Variants in CD226 observed in about 807,000 individuals in gnomAD.
CD226 encodes the protein CD226 antigen.
In CD226, 24 loss-of-function variants were observed where a neutral mutation model predicts 34.9. The ratio of observed to expected loss-of-function variants is 0.69; its 90% CI spans 0.50 to 0.97. The LOEUF is 0.97. CD226 is among the 50% of genes least tolerant of loss of function. The pLI, the probability that CD226 is intolerant of heterozygous loss-of-function variation, is 0.00. For synonymous variants in CD226, 148 were observed against 147.4 expected, an observed-to-expected ratio of 1.00 and a Z score of -0.03; for missense variants, 397 against 412.7, an observed-to-expected ratio of 0.96 and a Z score of 0.33.
rs1982795937 is a variant in CD226 at position 69,861,169 on chromosome 18, T to A, written c.*3145A>T. 1 of 152,086 alleles carries A rather than the reference T, an allele frequency of 6.6e-6. No homozygotes were observed. The highest frequency in any genetic ancestry group is 1.5e-5 in the Non-Finnish European group (1 of 67,934). The allele number at this position is 152,086 out of a possible 1,614,324, so 9.4% of individuals were successfully genotyped here. On this transcript the variant is annotated 3_prime_UTR_variant, in exon 6 of 6. Transcript: ENST00000582621. ...TTTTAAGTTTATATATATAGTATTT[T>A]AGTAATACACTGAATTACTTAAAAC...
chr18:69,873,341 G>T, intron 3 of CD226, 95 bp from the exon 4 acceptor site: 1 of 652,506 alleles, frequency 1.5e-6, no homozygotes, highest in South Asian at 1.9e-5. Context: ...ATTAATTATT[G>T]AGTAACAAAA....
chr18:69,883,769 T>C lies in CD226; in HGVS notation c.728-10523A>G, dbSNP rs75883650. ...GAGAATGTATATGTTCTTATAACAATAGAAATATCATCTTAAAATGAGCCA... is the reference window on the plus strand; with the variant it reads ...GAGAATGTATATGTTCTTATAACAACAGAAATATCATCTTAAAATGAGCCA... On this transcript the variant is annotated intron_variant, in intron 3 of 5. Coordinates refer to ENST00000582621, the MANE Select transcript of CD226 (RefSeq NM_001303618.2). 3.2e-3 allele frequency among the ~76,000 whole-genome samples: 482 copies of C among 152,338 alleles called. 3 individuals are homozygous for C. The highest frequency in any genetic ancestry group is 3.6e-3 in the Non-Finnish European group (248 of 68,026).
intron 1 of CD226, among the ~76,000 whole-genome samples, chr18:69,954,145 AC>A (rs1289625052): frequency 6.6e-6 from 1 of 152,124 alleles, no homozygotes; most frequent in Non-Finnish European, 1.5e-5. Context: ...GAATGAGGCC[AC>A]CCCATCTTGC....
upstream of CD226, among the ~76,000 whole-genome samples, chr18:69,952,475 A>C (rs1434865173): frequency 6.6e-6 from 1 of 152,222 alleles, no homozygotes; most frequent in Non-Finnish European, 1.5e-5. Flanking sequence ...ATTGATATTC[A>C]ACAAGGTGCC....
intron 3 of CD226, among the ~76,000 whole-genome samples, chr18:69,895,381 T>C (rs543746278): frequency 3.3e-5 from 5 of 152,266 alleles, no homozygotes; most frequent in African/African-American, 9.6e-5. Flanking sequence ...ATTGGGAAGA[T>C]AGGAGTTCTA....
chr18:69,950,695 C>T (rs985480276), upstream of CD226, among the ~76,000 whole-genome samples: 4 of 151,978 alleles, frequency 2.6e-5, no homozygotes, highest in Non-Finnish European at 5.9e-5. Flanking sequence ...TAGCTGGATA[C>T]ATTGAGGGGA....
intron 3 of CD226, among the ~76,000 whole-genome samples, chr18:69,892,841 G>C (rs1984987956): frequency 6.6e-6 from 1 of 152,144 alleles, no homozygotes; most frequent in Non-Finnish European, 1.5e-5. Flanking sequence ...CCAATACTAT[G>C]TGCTATAAAA....
intron 5 of CD226, among the ~76,000 whole-genome samples, chr18:69,866,428 GC>G (rs1344127674): frequency 1.3e-5 from 2 of 152,094 alleles, no homozygotes; most frequent in Admixed American, 1.3e-4. Flanking sequence ...ACACTAAGGG[GC>G]AGCAGCAAGG....
upstream of CD226, among the ~76,000 whole-genome samples, chr18:69,959,484 T>C (rs1326635053): frequency 1.3e-5 from 2 of 152,184 alleles, no homozygotes; most frequent in African/African-American, 4.8e-5. Context: ...CTCCTTCCTC[T>C]TTTTTTCTAA....
chr18:69,877,588 C>G (rs975606711), intron 3 of CD226, among the ~76,000 whole-genome samples: 2 of 152,058 alleles, frequency 1.3e-5, no homozygotes, highest in Non-Finnish European at 2.9e-5. Context: ...GTCTTTTGAC[C>G]CACATTCAGA....
chr18:69,918,021 C>T (rs1020599109), intron 2 of CD226, among the ~76,000 whole-genome samples: 14 of 152,186 alleles, frequency 9.2e-5, no homozygotes, highest in African/African-American at 3.1e-4. Flanking sequence ...ATTTGTGCCT[C>T]ACCAGCCACA....
At chr18:69,867,299 A>G (rs1343943497) in intron 5 of CD226, 58 bp downstream of exon 5, 1 of 1,119,946 alleles carries the variant, frequency 8.9e-7, no homozygotes, top group Non-Finnish European at 1.4e-6. Flanking sequence ...TGCAAAAGAG[A>G]CTGACTTTGC....
intron 2 of CD226, among the ~76,000 whole-genome samples, chr18:69,903,911 A>T (rs1258727243): frequency 1.3e-5 from 2 of 152,160 alleles, no homozygotes; most frequent in Non-Finnish European, 2.9e-5. Flanking sequence ...GGGAGTAAGG[A>T]CCATCAGGAC....
chr18:69,945,730 G>A (rs755296270), intron 2 of CD226, among the ~76,000 whole-genome samples: 2 of 152,030 alleles, frequency 1.3e-5, no homozygotes, highest in Non-Finnish European at 2.9e-5. Flanking sequence ...GTATTAGTCC[G>A]TTTTCACCCT....
chr18:69,900,717 C>T (rs1274106868), intron 2 of CD226, among the ~76,000 whole-genome samples: 9 of 135,508 alleles, frequency 6.6e-5, no homozygotes, highest in East Asian at 2.1e-4. Flanking sequence ...CCGGCCTGGG[C>T]GACAGAGCGA....
chr18:69,956,723 C>A (rs2055900855), intron 1 of CD226: 1 of 152,228 alleles, frequency 6.6e-6, no homozygotes, highest in African/African-American at 2.4e-5. Context: ...AGCTCAGACA[C>A]ATCCAGTCTT....
chr18:69,960,906 T>C (rs1254994184), upstream of CD226, among the ~76,000 whole-genome samples: 1 of 152,228 alleles, frequency 6.6e-6, no homozygotes, highest in Non-Finnish European at 1.5e-5. Context: ...AAGACAAGGA[T>C]GGCCACAATC....
intron 2 of CD226, among the ~76,000 whole-genome samples, chr18:69,930,792 T>C (rs975621064): frequency 1.3e-5 from 2 of 152,190 alleles, no homozygotes; most frequent in East Asian, 1.9e-4. Context: ...TAAATTCCCA[T>C]AGTACAGGTG....
At chr18:69,936,023 C>G (rs2055648215) in intron 2 of CD226, among the ~76,000 whole-genome samples, 1 of 152,090 alleles carries the variant, frequency 6.6e-6, no homozygotes, top group Admixed American at 6.5e-5. Flanking sequence ...GTGTCAAAGA[C>G]TGGGGTGTCT....
Sources: allele counts gnomAD v4.1 joint callset (sites outside exome capture counted in the v4.1 genomes callset), GRCh38; gene constraint gnomAD v4.1.1; transcripts MANE v1.5; gene names NCBI Gene and HGNC (gene_info 2026-07-23, HGNC 2026-07-21).